CCNB3: variants seen among roughly 807,000 people sequenced by gnomAD.
CCNB3 encodes G2/mitotic-specific cyclin-B3.
CCNB3 carries 12 observed loss-of-function variants against 68.0 expected under a neutral mutation model. The ratio of observed to expected loss-of-function variants is 0.18; its 90% CI spans 0.11 to 0.29. The LOEUF is 0.29. Among genes scored for constraint, CCNB3 ranks in the 10% least tolerant of loss-of-function variants. The pLI is 1.00. For synonymous variants in CCNB3, 354 were observed against 388.9 expected (o/e 0.91, Z 1.06); for missense variants, 904 against 993.1 (o/e 0.91, Z 1.21).
chrX:50,279,350 T>C (rs1262729155), intron 1 of CCNB3, among the ~76,000 whole-genome samples: 2 of 76,431 alleles, frequency 2.6e-5, no homozygotes, highest in African/African-American at 1.1e-4. Flanking sequence ...TATATATGAA[T>C]ATAGGATATT....
At chrX:50,344,795 C>T (rs1162752588) in intron 9 of CCNB3, among the ~76,000 whole-genome samples, 1 of 111,524 alleles carries the variant, frequency 9.0e-6, no homozygotes, top group African/African-American at 3.3e-5. Context: ...AAGTGAGTAG[C>T]TGACCTTTTC....
chrX:50,346,985 G>A (rs782143066), intron 10 of CCNB3, among the ~76,000 whole-genome samples, 178 bp downstream of exon 10: 21 of 111,306 alleles, frequency 1.9e-4, no homozygotes, highest in African/African-American at 6.9e-4. Context: ...AGTGGGAGGT[G>A]GGTGGGGGTG....
At chrX:50,284,651 A>C (rs12401117) in intron 2 of CCNB3, 35 bp downstream of exon 2, 240 of 120,765 alleles carry the variant, frequency 2.0e-3, no homozygotes, top group Non-Finnish European at 2.9e-3. Context: ...GTAGGGTCAT[A>C]ATTGCTTTGC....
At chrX:50,301,516 T>C (rs374772503) in intron 5 of CCNB3, among the ~76,000 whole-genome samples, 1 of 111,767 alleles carries the variant, frequency 8.9e-6, no homozygotes, top group Non-Finnish European at 1.9e-5. Context: ...GAGGAGTACC[T>C]GGCCGTGTGA....
chrX:50,338,162 C>A (rs1922948844), intron 8 of CCNB3, among the ~76,000 whole-genome samples: 1 of 112,151 alleles, frequency 8.9e-6, no homozygotes, highest in African/African-American at 3.2e-5. Context: ...GCTGGAGTCC[C>A]CCACAGGGAT....
intron 5 of CCNB3, among the ~76,000 whole-genome samples, chrX:50,305,443 G>A (rs1354913939): frequency 1.8e-5 from 2 of 110,882 alleles, no homozygotes; most frequent in Non-Finnish European, 3.8e-5. Flanking sequence ...CTCATAGGTG[G>A]GAATTGAACA....
At chrX:50,218,644 G>T (rs1423090224) in intron 1 of CCNB3, among the ~76,000 whole-genome samples, 1 of 111,987 alleles carries the variant, frequency 8.9e-6, no homozygotes, top group African/African-American at 3.2e-5. Flanking sequence ...GTATTCCATG[G>T]TGTATATGTG....
intron 1 of CCNB3, among the ~76,000 whole-genome samples, chrX:50,224,439 G>T (rs1935722717): frequency 9.0e-6 from 1 of 111,506 alleles, no homozygotes; most frequent in African/African-American, 3.3e-5. Context: ...GGTACCCAAA[G>T]AAAAGTTTAA....
At chrX:50,312,768 C>G in intron 7 of CCNB3, 136 bp downstream of exon 7, 1 of 455,532 alleles carries the variant, frequency 2.2e-6, no homozygotes, top group Non-Finnish European at 3.9e-6. Context: ...ATATTGGTAG[C>G]TTACTGTGAG....
At chrX:50,279,751 T>C (rs937663976) in intron 1 of CCNB3, among the ~76,000 whole-genome samples, 7 of 89,845 alleles carry the variant, frequency 7.8e-5, no homozygotes, top group Admixed American at 6.2e-4. Context: ...TATATTCATA[T>C]ATGTAAATAT....
chrX:50,304,592 G>A (rs1936719902), intron 5 of CCNB3, among the ~76,000 whole-genome samples: 1 of 111,605 alleles, frequency 9.0e-6, no homozygotes, highest in Non-Finnish European at 1.9e-5. Context: ...CATAGGCATG[G>A]GCAAGGACTT....
intron 1 of CCNB3, among the ~76,000 whole-genome samples, chrX:50,211,701 A>G (rs1935486009): frequency 1.8e-5 from 2 of 111,077 alleles, no homozygotes; most frequent in Non-Finnish European, 3.8e-5. Flanking sequence ...CGGGGTAATG[A>G]CTTCATGTGG....
rs184115539 is a variant in CCNB3 at position 50,344,161 on chromosome X, G to A, written c.3654+1822G>A. 3.6e-5 allele frequency among the ~76,000 whole-genome samples: 4 copies of A among 112,523 alleles called. No homozygotes were observed. The East Asian group carries it at 1.1e-3, about 31-fold the overall frequency. ...AATTCAGTAGAGTCACATGTGCATA[G>A]GTGTGTAGCCTAGGAGCAATAGGCT... On this transcript the variant is annotated intron_variant, in intron 9 of 12. Coordinates refer to ENST00000376042, the MANE Select transcript of CCNB3 (RefSeq NM_033031.3).
At chrX:50,346,004 A>G (rs181631965) in intron 9 of CCNB3, among the ~76,000 whole-genome samples, 96 of 111,986 alleles carry the variant, frequency 8.6e-4, no homozygotes, top group African/African-American at 2.9e-3. Context: ...CCAATGTTTG[A>G]CCTCCAGAGG....
Position 50,228,478 on chromosome X carries a change from G to C in CCNB3, c.-113+23528G>C, listed in dbSNP as rs1024620115. Among the ~76,000 whole-genome samples the C allele has an allele frequency of 2.2e-4, 20 of 90,797 alleles. No homozygotes were observed. In the South Asian group the frequency reaches 0.01, roughly 46 times the overall value. The allele number at this position is 90,797 out of a possible 115,157, so 78.8% of individuals were successfully genotyped here. A position where few individuals can be genotyped will look rare whatever the true frequency, so the allele number is the denominator to read the frequency against. On this transcript the variant is annotated intron_variant, in intron 1 of 12. Coordinates refer to ENST00000376042, the MANE Select transcript of CCNB3 (RefSeq NM_033031.3). ...TATATATAGAGGATATATCTATATA[G>C]AATATGTATAGAGGATATATCTACA...
chrX:50,225,808 T>C (rs1935746092), intron 1 of CCNB3, among the ~76,000 whole-genome samples: 1 of 106,845 alleles, frequency 9.4e-6, no homozygotes, highest in Admixed American at 1.1e-4. Context: ...CAAAGTTCTA[T>C]TGTGAACATG....
intron 8 of CCNB3, among the ~76,000 whole-genome samples, chrX:50,328,688 A>G (rs782070969): frequency 8.9e-6 from 1 of 111,926 alleles, no homozygotes; most frequent in African/African-American, 3.2e-5. Flanking sequence ...ATCCCCTACC[A>G]ATAGTCCCCC....
At chrX:50,331,450 CG>C (rs1557218051) in intron 8 of CCNB3, among the ~76,000 whole-genome samples, 2 of 111,836 alleles carry the variant, frequency 1.8e-5, no homozygotes, top group African/African-American at 3.3e-5. Flanking sequence ...AGTCATCCTA[CG>C]GGGTGAGTGA....
At chrX:50,321,321 A>G (rs1254414915) in intron 8 of CCNB3, among the ~76,000 whole-genome samples, 1 of 112,371 alleles carries the variant, frequency 8.9e-6, no homozygotes, top group Non-Finnish European at 1.9e-5. Context: ...CATTTTAAGT[A>G]GTCAAGTTTA....
Sources: gnomAD v4.1 joint callset for allele counts (sites outside exome capture counted in the v4.1 genomes callset) on GRCh38, gnomAD v4.1.1 for gene constraint, MANE v1.5 for transcripts, NCBI Gene and HGNC (gene_info 2026-07-23, HGNC 2026-07-21) for gene names.